Variants in CDH8 observed in about 807,000 individuals in gnomAD.
The protein encoded by CDH8 is cadherin-8.
A neutral mutation model predicts 68.1 loss-of-function variants in CDH8; 17 were observed. That is an observed-to-expected ratio of 0.25 (90% confidence interval 0.17 to 0.37). The LOEUF is 0.37. Ranked by LOEUF, CDH8 falls within the 10% of genes least tolerant of loss-of-function variation. The pLI is 1.00. For missense variants in CDH8, 763 were observed against 999.3 expected (o/e 0.76, Z 3.19); for synonymous variants, 372 against 365.1 (o/e 1.02, Z -0.21).
chr16:61,799,106 C>A (rs940816642), intron 7 of CDH8, among the ~76,000 whole-genome samples: 7 of 152,054 alleles, frequency 4.6e-5, no homozygotes, highest in African/African-American at 1.7e-4. Flanking sequence ...ACAAGAAGCC[C>A]AATCGATTTC....
intron 8 of CDH8, among the ~76,000 whole-genome samples, chr16:61,763,859 T>C (rs1001358428): frequency 1.3e-5 from 2 of 152,130 alleles, no homozygotes; most frequent in Admixed American, 6.6e-5. Flanking sequence ...AAGTGATAAA[T>C]AAATAAGGTT....
At chr16:61,851,774 T>C (rs1204596585) in intron 4 of CDH8, among the ~76,000 whole-genome samples, 1 of 152,098 alleles carries the variant, frequency 6.6e-6, no homozygotes, top group East Asian at 1.9e-4. Context: ...GCCTTCCATT[T>C]TCTCTGATGC....
intron 10 of CDH8, among the ~76,000 whole-genome samples, chr16:61,687,655 C>G (rs1964135961): frequency 6.6e-6 from 1 of 152,028 alleles, no homozygotes. Flanking sequence ...CACCTATTAA[C>G]ACAATATTTT....
chr16:61,880,401 G>C (rs1251643801), intron 3 of CDH8, among the ~76,000 whole-genome samples: 2 of 152,114 alleles, frequency 1.3e-5, no homozygotes, highest in East Asian at 3.9e-4. Flanking sequence ...GAAGATGTTG[G>C]CATGATTTAT....
rs1965110592 is a variant in CDH8, at chr16:61,960,258, T to TATATACGTGTGCGTGTATACAC, written c.253-58786_253-58785insGTGTATACACGCACACGTATAT. ...ATATACATGTGTGTGTGTATACACA[T>TATATACGTGTGCGTGTATACAC]ACATATATACGTGTGTGTGTATACA... is the stretch of plus-strand genomic sequence containing the variant. On this transcript the variant is annotated intron_variant, in intron 2 of 11. Transcript: ENST00000577390. Among the ~76,000 whole-genome samples the TATATACGTGTGCGTGTATACAC allele has an allele frequency of 3.9e-5, 2 of 51,832 alleles. 1 individual carries two copies. The highest frequency in any genetic ancestry group is 7.0e-5 in the Non-Finnish European group (2 of 28,584). The allele number at this position is 51,832 out of a possible 152,430, so 34.0% of individuals were successfully genotyped here. A position where few individuals can be genotyped will look rare whatever the true frequency, so the allele number is the denominator to read the frequency against.
intron 8 of CDH8, among the ~76,000 whole-genome samples, chr16:61,771,575 G>T (rs1025933933): frequency 6.6e-6 from 1 of 151,470 alleles, no homozygotes; most frequent in Admixed American, 6.6e-5. Context: ...TTGGACAGAG[G>T]CGCTCTAAAA....
chr16:61,962,369 T>G (rs771166117), intron 2 of CDH8, among the ~76,000 whole-genome samples: 3 of 152,040 alleles, frequency 2.0e-5, no homozygotes, highest in Non-Finnish European at 4.4e-5. Flanking sequence ...GTGGGGGAAG[T>G]GGGGCAGGAA....
intron 8 of CDH8, among the ~76,000 whole-genome samples, chr16:61,729,054 T>G (rs1358429575): frequency 6.6e-6 from 1 of 151,246 alleles, no homozygotes; most frequent in Non-Finnish European, 1.5e-5. Context: ...CTATTCATGA[T>G]GCAAAATATT....
At chr16:61,746,234 C>G (rs998039093) in intron 8 of CDH8, among the ~76,000 whole-genome samples, 7 of 152,044 alleles carry the variant, frequency 4.6e-5, no homozygotes, top group African/African-American at 1.7e-4. Context: ...CTTGGCCTCT[C>G]AATTTCTAGA....
At chr16:61,949,780 G>A (rs541435552) in intron 2 of CDH8, among the ~76,000 whole-genome samples, 22 of 152,072 alleles carry the variant, frequency 1.4e-4, no homozygotes, top group Admixed American at 1.1e-3. Context: ...CCAGGAGTTC[G>A]AGACCAACCT....
chr16:61,942,442 A>C (rs981266496), intron 2 of CDH8, among the ~76,000 whole-genome samples: 14 of 152,218 alleles, frequency 9.2e-5, no homozygotes, highest in African/African-American at 3.1e-4. Flanking sequence ...GGTTACAGTG[A>C]GCTGTAATCC....
At chr16:61,960,515 C>G (rs148396557) in intron 2 of CDH8, among the ~76,000 whole-genome samples, 52 of 151,890 alleles carry the variant, frequency 3.4e-4, no homozygotes, top group African/African-American at 1.3e-3. Context: ...TGCCATCACT[C>G]GGTAAAAGTG....
At chr16:61,807,448 C>G (rs543436700) in intron 7 of CDH8, among the ~76,000 whole-genome samples, 2,094 of 151,754 alleles carry the variant, frequency 0.014, 46 homozygotes, top group African/African-American at 0.047. Context: ...GCACAATGTG[C>G]ACATGTACCC....
intron 9 of CDH8, among the ~76,000 whole-genome samples, chr16:61,723,786 A>T (rs1006673910): frequency 2.0e-5 from 3 of 150,536 alleles, no homozygotes; most frequent in African/African-American, 7.3e-5. Context: ...CTCAACACAC[A>T]TTCCCATTTT....
At chr16:61,750,177 C>T (rs1336270117) in intron 8 of CDH8, among the ~76,000 whole-genome samples, 1 of 152,016 alleles carries the variant, frequency 6.6e-6, no homozygotes, top group Admixed American at 6.6e-5. Context: ...GCTTTCTGTT[C>T]CTGTGTTCAT....
At chr16:61,722,520 G>A (rs985688043) in intron 9 of CDH8, among the ~76,000 whole-genome samples, 1 of 150,748 alleles carries the variant, frequency 6.6e-6, no homozygotes, top group Non-Finnish European at 1.5e-5. Flanking sequence ...ACAACAATTA[G>A]CATCTTGTAG....
chr16:61,938,304 T>C (rs143928578), intron 2 of CDH8, among the ~76,000 whole-genome samples: 1 of 152,264 alleles, frequency 6.6e-6, no homozygotes, highest in East Asian at 1.9e-4. Flanking sequence ...GTTCTTACTC[T>C]CATTTCAGAA....
At chr16:61,903,957 A>ATT (rs1567521634) in intron 2 of CDH8, among the ~76,000 whole-genome samples, 11 of 148,902 alleles carry the variant, frequency 7.4e-5, no homozygotes, top group African/African-American at 2.6e-4. Context: ...CACTTTTTAA[A>ATT]AAAAAAAAAA....
intron 2 of CDH8, among the ~76,000 whole-genome samples, chr16:61,996,226 A>G (rs1440012252): frequency 6.6e-6 from 1 of 152,026 alleles, no homozygotes; most frequent in Non-Finnish European, 1.5e-5. Context: ...GATTAAAAAT[A>G]ACAGCATCAA....
Sources: allele counts gnomAD v4.1 joint callset (sites outside exome capture counted in the v4.1 genomes callset), GRCh38; gene constraint gnomAD v4.1.1; transcripts MANE v1.5; gene names NCBI Gene and HGNC (gene_info 2026-07-23, HGNC 2026-07-21).